MCOLN2: variants seen among roughly 807,000 people sequenced by gnomAD.
MCOLN2 encodes mucolipin TRP cation channel 2.
MCOLN2 carries 57 observed loss-of-function variants against 67.5 expected under a neutral mutation model. That is an observed-to-expected ratio of 0.84 (90% CI 0.68 to 1.05). The LOEUF is 1.05. Among genes scored for constraint, MCOLN2 ranks in the 50% least tolerant of loss-of-function variants. MCOLN2 has a pLI of 0.00. For missense variants in MCOLN2, 620 were observed against 678.8 expected, an observed-to-expected ratio of 0.91 and a Z score of 0.96; for synonymous variants, 246 against 233.3, an observed-to-expected ratio of 1.05 and a Z score of -0.50.
intron 1 of MCOLN2, among the ~76,000 whole-genome samples, chr1:84,984,021 T>G (rs1650387626): frequency 1.3e-5 from 2 of 152,214 alleles, no homozygotes; most frequent in African/African-American, 4.8e-5. Context: ...TTTTTCATTT[T>G]AGGTATTATC....
At chr1:84,983,470 C>T (rs1426914565) in intron 1 of MCOLN2, among the ~76,000 whole-genome samples, 3 of 151,576 alleles carry the variant, frequency 2.0e-5, no homozygotes, top group East Asian at 3.9e-4. Context: ...GGTCTTGCCA[C>T]GTTGCCCAGA....
chr1:84,950,071 T>C (rs1053410016), intron 6 of MCOLN2, among the ~76,000 whole-genome samples: 4 of 152,214 alleles, frequency 2.6e-5, no homozygotes, highest in Admixed American at 2.6e-4. Context: ...CTCTTAGTCC[T>C]CTAGTATGAA....
chr1:84,958,789 T>C (rs971170311), intron 2 of MCOLN2, 87 bp from the exon 3 acceptor site: 2 of 997,946 alleles, frequency 2.0e-6, no homozygotes, highest in Non-Finnish European at 2.8e-6. Context: ...AACCATTACC[T>C]ATAAACATCA....
Position 84,996,856 on chromosome 1 carries a change from T to C in MCOLN2, c.17A>G (p.Tyr6Cys). The part of the protein sequence containing the change: MARQP[Y>C]RFPQARIPER... ...CGGAATCCTTGCCTGGGGAAAACGA[T>C]AAGGCTGCCGGGCCATGCCTCCTCC... Residue 6 changes from tyrosine (Y) to cysteine (C), a missense_variant, in exon 1 of 14, where the codon TAT becomes TGT. Coordinates refer to ENST00000370608, the MANE Select transcript of MCOLN2 (RefSeq NM_153259.4). 1 of 1,614,114 alleles carries C rather than the reference T, an allele frequency of 6.2e-7. No individual in the cohort carries two copies. The highest frequency in any genetic ancestry group is 8.5e-7 in the Non-Finnish European group (1 of 1,179,988).
rs1648160639 is a variant in MCOLN2, at chr1:84,947,195, T to C, written c.748-63A>G. The C allele has an allele frequency of 5.7e-5, 49 of 863,062 alleles. No homozygotes were observed. In the South Asian group the frequency reaches 6.7e-4, roughly 12 times the overall value. The allele number at this position is 863,062 out of a possible 1,614,324, so 53.5% of individuals were successfully genotyped here. ...AGAAAGTATAACATGTTAGATCAAA[T>C]CTGCTTAAAAAAAAAATCACTGGCA... On this transcript the variant is annotated intron_variant, in intron 6 of 13. Transcript: ENST00000370608.
intron 1 of MCOLN2, among the ~76,000 whole-genome samples, chr1:84,989,295 CATG>C: frequency 6.6e-6 from 1 of 152,110 alleles, no homozygotes; most frequent in East Asian, 1.9e-4. Context: ...ATATTAATAA[CATG>C]ATAAAAATAA....
At chr1:84,929,728 T>C (rs1328705588) in intron 12 of MCOLN2, 49 bp from the exon 13 acceptor site, 2 of 1,574,906 alleles carry the variant, frequency 1.3e-6, no homozygotes. Context: ...GCATGAGAAA[T>C]TGCTCTTTTG....
chr1:84,939,321 A>G (rs888500105), intron 9 of MCOLN2, among the ~76,000 whole-genome samples: 1 of 152,118 alleles, frequency 6.6e-6, no homozygotes, highest in Non-Finnish European at 1.5e-5. Context: ...CAAATAACCA[A>G]TCTTTTCAAG....
intron 1 of MCOLN2, among the ~76,000 whole-genome samples, chr1:84,988,983 TC>T (rs1050567083): frequency 1.4e-4 from 22 of 152,166 alleles, no homozygotes; most frequent in African/African-American, 5.1e-4. Flanking sequence ...AAATGACACC[TC>T]GGTAGAGAGG....
At chr1:84,970,123 T>C (rs1036780548) in intron 1 of MCOLN2, among the ~76,000 whole-genome samples, 4 of 152,240 alleles carry the variant, frequency 2.6e-5, no homozygotes, top group African/African-American at 9.6e-5. Context: ...GCTATCACTG[T>C]AGTGGATCAG....
At chr1:84,983,087 A>T (rs1650339619) in intron 1 of MCOLN2, among the ~76,000 whole-genome samples, 1 of 151,734 alleles carries the variant, frequency 6.6e-6, no homozygotes, top group Non-Finnish European at 1.5e-5. Context: ...AGGCAGGGCA[A>T]ATCACTTCCC....
chr1:84,943,568 A>AT (rs1278881616), intron 7 of MCOLN2, among the ~76,000 whole-genome samples: 18 of 151,770 alleles, frequency 1.2e-4, no homozygotes, highest in African/African-American at 4.4e-4. Flanking sequence ...CAGAGACAGC[A>AT]TTGAAGAGAA....
At chr1:84,960,489 C>T (rs1326007133) in intron 2 of MCOLN2, among the ~76,000 whole-genome samples, 1 of 152,170 alleles carries the variant, frequency 6.6e-6, no homozygotes, top group Non-Finnish European at 1.5e-5. Context: ...TACACAGATG[C>T]TACTGTTCAG....
Position 84,988,819 on chromosome 1 carries a change from C to T in MCOLN2, c.77+7977G>A, listed in dbSNP as rs148747917. ...AAGACTCCTGCCCACTCCTCCCATA[C>T]CCTCTTCCCCTTCCTCACTACACAA... On this transcript the variant is annotated intron_variant, in intron 1 of 13. Transcript: ENST00000370608. Among the ~76,000 whole-genome samples, 7 of 152,274 alleles carry T rather than the reference C, an allele frequency of 4.6e-5. 1 individual carries two copies. In the East Asian group the frequency reaches 1.4e-3, roughly 29 times the overall value.
Position 84,958,606 on chromosome 1 carries a change from T to A in MCOLN2, c.334A>T (p.Thr112Ser), listed in dbSNP as rs547047610. The change falls in exon 3 of 14, where the codon ACA becomes TCA. Residue 112 changes from threonine to serine, a missense_variant. Transcript: ENST00000370608. ...KHLFLKGYSG[T>S]DEDDYSCSVY... ...CTGCAGCTGTAGTCATCTTCATCTG[T>A]ACCAGAATATCCTTTCAAAAACAAG... 4 of 1,611,776 alleles carry A rather than the reference T, an allele frequency of 2.5e-6. No individual in the cohort carries two copies. The African/African-American group carries it at 5.3e-5, about 21-fold the overall frequency.
At chr1:84,987,533 TATGTATAC>T (rs1650633409) in intron 1 of MCOLN2, among the ~76,000 whole-genome samples, 1 of 95,224 alleles carries the variant, frequency 1.1e-5, no homozygotes, top group African/African-American at 4.7e-5. Flanking sequence ...TGTATACATC[TATGTATAC>T]ATAGATGTAT....
intron 2 of MCOLN2, among the ~76,000 whole-genome samples, chr1:84,963,483 G>A (rs543896080): frequency 6.6e-5 from 10 of 152,294 alleles, no homozygotes; most frequent in African/African-American, 2.4e-4. Context: ...GAAAAAGAAG[G>A]TAAATCCAAG....
intron 8 of MCOLN2, among the ~76,000 whole-genome samples, chr1:84,940,076 A>G (rs1236487431): frequency 2.0e-5 from 3 of 152,104 alleles, no homozygotes. Context: ...CGAGAGGCTA[A>G]GCCAGGATCC....
intron 1 of MCOLN2, among the ~76,000 whole-genome samples, chr1:84,990,789 C>A (rs1258239657): frequency 1.3e-5 from 2 of 150,694 alleles, no homozygotes; most frequent in Non-Finnish European, 3.0e-5. Context: ...AATAAGCTAG[C>A]CAGGAGTGGT....
Sources: allele counts gnomAD v4.1 joint callset (sites outside exome capture counted in the v4.1 genomes callset), GRCh38; gene constraint gnomAD v4.1.1; transcripts MANE v1.5; gene names NCBI Gene and HGNC (gene_info 2026-07-23, HGNC 2026-07-21).